Variants in MCTP2 observed in about 807,000 individuals in gnomAD.
MCTP2 encodes the protein multiple C2 and transmembrane domain-containing protein 2.
In MCTP2, 132 loss-of-function variants were observed where a neutral mutation model predicts 111.6. The ratio of observed to expected loss-of-function variants is 1.18; its 90% CI spans 1.03 to 1.37. The LOEUF is 1.37. MCTP2 is among the 40% of genes most tolerant of loss of function. The pLI is 0.00. For synonymous variants in MCTP2, 395 were observed against 387.7 expected (o/e 1.02, Z -0.22); for missense variants, 1,183 against 1,067.9 (o/e 1.11, Z -1.50).
At chr15:94,463,558 G>T (rs1488422569) in intron 20 of MCTP2, among the ~76,000 whole-genome samples, 1 of 151,762 alleles carries the variant, frequency 6.6e-6, no homozygotes, top group Non-Finnish European at 1.5e-5. Context: ...CATCTTTCCA[G>T]CCCTTACACA....
chr15:94,410,180 T>A (rs901855096), intron 17 of MCTP2, among the ~76,000 whole-genome samples: 13 of 152,250 alleles, frequency 8.5e-5, no homozygotes, highest in African/African-American at 3.1e-4. Flanking sequence ...ATTCTTCAAA[T>A]TCAGAGAAAG....
chr15:94,347,813 G>A (rs909890141), intron 8 of MCTP2, among the ~76,000 whole-genome samples: 8 of 151,932 alleles, frequency 5.3e-5, no homozygotes, highest in African/African-American at 1.9e-4. Flanking sequence ...AGACAAAAAA[G>A]CAATGATAAA....
At chr15:94,478,313 A>G (rs2074530097) in intron 22 of MCTP2, among the ~76,000 whole-genome samples, 1 of 152,232 alleles carries the variant, frequency 6.6e-6, no homozygotes, top group Non-Finnish European at 1.5e-5. Flanking sequence ...GAGATGCAGC[A>G]AAAGAACATT....
At chr15:94,422,139 C>T (rs2082656276) in intron 17 of MCTP2, among the ~76,000 whole-genome samples, 2 of 152,122 alleles carry the variant, frequency 1.3e-5, no homozygotes, top group Admixed American at 1.3e-4. Context: ...GTTCAGTCTC[C>T]TTTCCCCAAG....
chr15:94,464,672 A>G (rs2073116483), intron 20 of MCTP2, among the ~76,000 whole-genome samples: 1 of 151,992 alleles, frequency 6.6e-6, no homozygotes, highest in Non-Finnish European at 1.5e-5. Flanking sequence ...CTGTAAACAC[A>G]ACTCTAGCTC....
At chr15:94,398,895 G>A in intron 14 of MCTP2, 66 bp from the exon 15 acceptor site, 1 of 942,112 alleles carries the variant, frequency 1.1e-6, no homozygotes, top group Non-Finnish European at 1.7e-6. Flanking sequence ...AGTTAGTTTT[G>A]GTTATTTACT....
rs1294508978 is a variant in MCTP2, at chr15:94,398,274, A to G, written c.1789-687A>G. Among the ~76,000 whole-genome samples, 3 of 152,320 alleles carry G rather than the reference A, an allele frequency of 2.0e-5. No homozygotes were observed. The East Asian group carries it at 5.8e-4, about 29-fold the overall frequency. On this transcript the variant is annotated intron_variant, in intron 14 of 22. Transcript: ENST00000357742. ...ATTGTTTCCTGGCTTGTAAAGCACC[A>G]TTAAAACCAGCTCCTTTATTCATTT...
intron 1 of MCTP2, among the ~76,000 whole-genome samples, chr15:94,293,193 T>TA (rs2075107541): frequency 6.6e-6 from 1 of 152,058 alleles, no homozygotes; most frequent in Non-Finnish European, 1.5e-5. Context: ...ACATAAAATT[T>TA]TAAAAAATGG....
intron 17 of MCTP2, among the ~76,000 whole-genome samples, chr15:94,429,712 T>A (rs2083075797): frequency 6.6e-6 from 1 of 152,200 alleles, no homozygotes; most frequent in Non-Finnish European, 1.5e-5. Context: ...TTATCCAGTC[T>A]GATATCTTTA....
intron 4 of MCTP2, among the ~76,000 whole-genome samples, chr15:94,333,247 C>T (rs1476654808): frequency 6.6e-6 from 1 of 151,904 alleles, no homozygotes; most frequent in South Asian, 2.1e-4. Flanking sequence ...TGGAGCAAGG[C>T]GTATAAGAAT....
chr15:94,239,640 A>G (rs2070797277), intron 1 of MCTP2, among the ~76,000 whole-genome samples: 1 of 152,218 alleles, frequency 6.6e-6, no homozygotes, highest in Admixed American at 6.5e-5. Flanking sequence ...AGTTGCCTTC[A>G]GCATTTTAGG....
chr15:94,443,623 G>C (rs1030552828), intron 19 of MCTP2, among the ~76,000 whole-genome samples: 2 of 152,164 alleles, frequency 1.3e-5, no homozygotes, highest in East Asian at 3.8e-4. Flanking sequence ...GGGGAACCTT[G>C]AGAGTAAGTA....
Position 94,340,871 on chromosome 15 carries a change from G to A in MCTP2, c.916G>A (p.Val306Met). The change falls in exon 7 of 23, where the codon GTG (valine) becomes ATG (methionine). Residue 306 changes from valine (V) to methionine (M), a missense_variant. Transcript: ENST00000357742. ...AAACAGTTTAGAAGATGACATGGGA[G>A]TGATCGTGTTAAATTTGAACCTAGT... Reference protein sequence around the residue: ...DPNSLEDDMGVIVLNLNLVVK... With the variant: ...DPNSLEDDMGMIVLNLNLVVK... 1.2e-6 allele frequency: 2 copies of A among 1,613,310 alleles called. No homozygotes were observed. Among genetic ancestry groups the A allele is most frequent in the Non-Finnish European group, 1.7e-6 (2 of 1,179,362 alleles).
At chr15:94,384,929 C>A (rs2080369610) in intron 13 of MCTP2, among the ~76,000 whole-genome samples, 1 of 152,078 alleles carries the variant, frequency 6.6e-6, no homozygotes, top group African/African-American at 2.4e-5. Context: ...TATCTGGCTT[C>A]TGGTCAATAT....
In MCTP2 at chr15:94,433,186, G is replaced by T. The variant is rs189459981; in HGVS notation, c.2086-6990G>T. Among the ~76,000 whole-genome samples the T allele has an allele frequency of 5.8e-4, 89 of 152,140 alleles. No individual in the cohort carries two copies. In the East Asian group the frequency reaches 0.015, roughly 25 times the overall value. ...TCTTGAAGGTATTTTTATCTTTAGG[G>T]TTTTCCTCAGGAAAAAATTAATCTT... is the stretch of plus-strand genomic sequence containing the variant. On this transcript the variant is annotated intron_variant, in intron 17 of 22. Coordinates refer to ENST00000357742, the MANE Select transcript of MCTP2 (RefSeq NM_001385001.1).
intron 4 of MCTP2, among the ~76,000 whole-genome samples, chr15:94,330,986 G>A (rs376911260): frequency 1.1e-4 from 16 of 152,106 alleles, no homozygotes; most frequent in African/African-American, 3.4e-4. Context: ...CACCTGCCTC[G>A]GCCTCCCAAA....
chr15:94,372,111 A>G (rs1376682359), intron 12 of MCTP2, among the ~76,000 whole-genome samples: 1 of 152,234 alleles, frequency 6.6e-6, no homozygotes, highest in Non-Finnish European at 1.5e-5. Context: ...TTCAGTAGAT[A>G]GTTTTGGAGT....
At chr15:94,352,759 G>C (rs111611779) in intron 8 of MCTP2, among the ~76,000 whole-genome samples, 65 of 152,214 alleles carry the variant, frequency 4.3e-4, no homozygotes, top group African/African-American at 1.5e-3. Flanking sequence ...TTGATTTATT[G>C]TGAGGGAAAA....
At chr15:94,302,061 T>C (rs933832751) in intron 2 of MCTP2, among the ~76,000 whole-genome samples, 2 of 152,176 alleles carry the variant, frequency 1.3e-5, no homozygotes, top group Non-Finnish European at 2.9e-5. Context: ...TTGTCCAGTG[T>C]TCTCAGTTTA....
Sources: gnomAD v4.1 joint callset for allele counts (sites outside exome capture counted in the v4.1 genomes callset) on GRCh38, gnomAD v4.1.1 for gene constraint, MANE v1.5 for transcripts, NCBI Gene and HGNC (gene_info 2026-07-23, HGNC 2026-07-21) for gene names.